SPECC1: variants seen among roughly 807,000 people sequenced by gnomAD.
The protein encoded by SPECC1 is cytospin-B.
Under a neutral mutation model 104.1 loss-of-function variants are expected in SPECC1, and 62 were observed. The ratio of observed to expected loss-of-function variants is 0.60; its 90% confidence interval spans 0.49 to 0.74. SPECC1 has a LOEUF of 0.74. Ranked by LOEUF, SPECC1 falls within the 30% of genes least tolerant of loss-of-function variation. SPECC1 has a pLI of 0.00. For synonymous variants in SPECC1, 513 were observed against 501.6 expected (o/e 1.02, Z -0.30); for missense variants, 1,306 against 1,310.5 (o/e 1.00, Z 0.05).
chr17:20,133,210 C>A (rs532057512), intron 3 of SPECC1, among the ~76,000 whole-genome samples: 1 of 152,028 alleles, frequency 6.6e-6, no homozygotes, highest in African/African-American at 2.4e-5. Context: ...ATTTGTCTCA[C>A]TCGTTTTTCT....
At chr17:20,312,359 T>TATG (rs144969132) in intron 14 of SPECC1, among the ~76,000 whole-genome samples, 107,462 of 151,820 alleles carry the variant, frequency 0.71, 39,815 homozygotes, top group East Asian at 0.99. Flanking sequence ...AATTCTCAAA[T>TATG]ATGTTAACAA....
chr17:20,161,176 A>G (rs1471384898), intron 3 of SPECC1, among the ~76,000 whole-genome samples: 11 of 152,232 alleles, frequency 7.2e-5, no homozygotes, highest in African/African-American at 1.9e-4. Flanking sequence ...GCGCTACTGC[A>G]TTCCAACCTG....
Position 20,264,652 on chromosome 17 carries a change from A to G in SPECC1, c.2940+4358A>G, listed in dbSNP as rs1036254984. Among the ~76,000 whole-genome samples, 4 of 151,820 alleles carry G rather than the reference A, an allele frequency of 2.6e-5. No individual in the cohort carries two copies. The East Asian group carries it at 7.8e-4, about 29-fold the overall frequency. On this transcript the variant is annotated intron_variant, in intron 12 of 14. Transcript: ENST00000395527. Reference sequence around the variant, plus strand: ...ACACCTGGCTAATTTTTGTATTTTTAGTAGAGACAGGGTTTCGCCATGTTG... The same window carrying G: ...ACACCTGGCTAATTTTTGTATTTTTGGTAGAGACAGGGTTTCGCCATGTTG...
At chr17:20,074,239 G>C (rs2046669815) in intron 1 of SPECC1, among the ~76,000 whole-genome samples, 1 of 152,154 alleles carries the variant, frequency 6.6e-6, no homozygotes, top group Non-Finnish European at 1.5e-5. Context: ...CTGGCAGAGG[G>C]TCTGATAATG....
chr17:20,178,871 A>T (rs1054755092), intron 3 of SPECC1, among the ~76,000 whole-genome samples: 1 of 152,232 alleles, frequency 6.6e-6, no homozygotes, highest in East Asian at 1.9e-4. Flanking sequence ...CTTTTTTAAA[A>T]GACAATTGCT....
intron 2 of SPECC1, among the ~76,000 whole-genome samples, chr17:20,103,400 TCTG>T (rs2048034226): frequency 1.3e-5 from 2 of 152,220 alleles, no homozygotes; most frequent in Non-Finnish European, 2.9e-5. Flanking sequence ...GGTGGTTAAC[TCTG>T]ATCGGCAGGG....
intron 3 of SPECC1, among the ~76,000 whole-genome samples, chr17:20,155,070 TGA>T (rs2032342596): frequency 1.3e-5 from 2 of 152,102 alleles, no homozygotes; most frequent in African/African-American, 4.8e-5. Context: ...AGATGGTATT[TGA>T]AAGCCACAAG....
intron 14 of SPECC1, 122 bp downstream of exon 14, chr17:20,306,204 A>G: frequency 2.5e-6 from 2 of 792,648 alleles, no homozygotes; most frequent in East Asian, 2.5e-5. Context: ...GTTGCTCTCA[A>G]TACCTAATAT....
chr17:20,016,487 G>C (rs937114893), intron 1 of SPECC1, among the ~76,000 whole-genome samples: 23 of 152,120 alleles, frequency 1.5e-4, no homozygotes, highest in African/African-American at 3.4e-4. Context: ...GGCGGGAACC[G>C]GGGCTGTACG....
At chr17:20,301,730 G>C (rs1186600598) in intron 13 of SPECC1, among the ~76,000 whole-genome samples, 1 of 152,234 alleles carries the variant, frequency 6.6e-6, no homozygotes, top group East Asian at 1.9e-4. Context: ...TTTTGAGACA[G>C]AGTCTCACTC....
At chr17:20,020,875 G>A (rs2044347940) in intron 1 of SPECC1, among the ~76,000 whole-genome samples, 1 of 152,106 alleles carries the variant, frequency 6.6e-6, no homozygotes, top group South Asian at 2.1e-4. Flanking sequence ...AACAATGAGG[G>A]GGTCAGGGGA....
At chr17:20,270,297 T>A (rs28559317) in intron 12 of SPECC1, among the ~76,000 whole-genome samples, 31,033 of 150,656 alleles carry the variant, frequency 0.21, 3,472 homozygotes, top group African/African-American at 0.3. Context: ...TAATTTTTTT[T>A]AAAAAAAACA....
intron 3 of SPECC1, among the ~76,000 whole-genome samples, chr17:20,150,628 ACT>A (rs1230369046): frequency 6.7e-6 from 1 of 149,564 alleles, no homozygotes; most frequent in Non-Finnish European, 1.5e-5. Context: ...AACGAGTGAA[ACT>A]CTGTCTCAAA....
At chr17:20,163,142 C>T (rs78185893) in intron 3 of SPECC1, among the ~76,000 whole-genome samples, 302 of 152,264 alleles carry the variant, frequency 2.0e-3, no homozygotes, top group African/African-American at 7.0e-3. Flanking sequence ...GGGTTAAGCT[C>T]CCCATTAAAG....
rs1187795523 is a variant in SPECC1 at position 20,021,702 on chromosome 17, A to ATTT, written c.-22+12283_-22+12285dup. Among the ~76,000 whole-genome samples the ATTT allele has an allele frequency of 1.3e-4, 18 of 139,276 alleles. 1 individual carries two copies. The highest frequency in any genetic ancestry group is 1.3e-3 in the South Asian group (6 of 4,670). The allele number at this position is 139,276 out of a possible 152,430, so 91.4% of individuals were successfully genotyped here. On this transcript the variant is annotated intron_variant, in intron 1 of 14. Coordinates refer to ENST00000395527, the MANE Select transcript of SPECC1 (RefSeq NM_001243439.2). The stretch of plus-strand genomic sequence containing the variant: ...TATAATAATATATATATATATATAT[A>ATTT]TTTTTTTGTACTTTTAGTAGAGACC...
intron 3 of SPECC1, among the ~76,000 whole-genome samples, chr17:20,175,952 TAG>T (rs1325864964): frequency 1.3e-5 from 2 of 152,170 alleles, no homozygotes; most frequent in East Asian, 3.8e-4. Flanking sequence ...GCACATTGAG[TAG>T]AGAGTATTTT....
intron 7 of SPECC1, among the ~76,000 whole-genome samples, chr17:20,245,326 T>G (rs2039374588): frequency 6.6e-6 from 1 of 152,176 alleles, no homozygotes; most frequent in Non-Finnish European, 1.5e-5. Context: ...GCCACCACAG[T>G]TGCCAGCACC....
chr17:20,058,939 A>G (rs1235894814), intron 1 of SPECC1, among the ~76,000 whole-genome samples: 1 of 142,688 alleles, frequency 7.0e-6, no homozygotes, highest in Non-Finnish European at 1.5e-5. Flanking sequence ...TCCCAGGTTC[A>G]CACCATTCTC....
chr17:20,114,232 G>A (rs768259370), intron 3 of SPECC1, among the ~76,000 whole-genome samples: 4 of 151,838 alleles, frequency 2.6e-5, no homozygotes, highest in East Asian at 1.9e-4. Flanking sequence ...TCAGTCTGTC[G>A]CCAGGCTGGA....
Sources: gnomAD v4.1 joint callset for allele counts (sites outside exome capture counted in the v4.1 genomes callset) on GRCh38, gnomAD v4.1.1 for gene constraint, MANE v1.5 for transcripts, NCBI Gene and HGNC (gene_info 2026-07-23, HGNC 2026-07-21) for gene names.